The following AMZ2 variants were observed in gnomAD, a reference collection of about 807,000 sequenced individuals.
AMZ2 encodes the protein archaelysin family metallopeptidase 2.
In AMZ2, 26 loss-of-function variants were observed where a neutral mutation model predicts 36.7. The observed-to-expected ratio is 0.71, with a 90% confidence interval of 0.52 to 0.98. The LOEUF is 0.98. AMZ2 is among the 50% of genes least tolerant of loss of function. The pLI is 0.00. For missense variants in AMZ2, 394 were observed against 430.5 expected, an observed-to-expected ratio of 0.92 and a Z score of 0.75; for synonymous variants, 144 against 149.1, an observed-to-expected ratio of 0.97 and a Z score of 0.25.
chr17:68,256,499 C>T (rs1395066281), intron 6 of AMZ2, among the ~76,000 whole-genome samples: 1 of 152,178 alleles, frequency 6.6e-6, no homozygotes, highest in African/African-American at 2.4e-5. Context: ...AATATAATGC[C>T]TTGTGGAATA....
intron 1 of AMZ2, among the ~76,000 whole-genome samples, chr17:68,208,657 C>T (rs530145468): frequency 1.2e-4 from 19 of 152,186 alleles, no homozygotes; most frequent in African/African-American, 4.6e-4. Context: ...TTCTTTCGCT[C>T]TTTGTGGTGA....
At chr17:68,247,733 G>A (rs1568369820), upstream of AMZ2, 1 of 985,376 alleles carries the variant, frequency 1.0e-6, no homozygotes. Flanking sequence ...GTTCCCACAC[G>A]GGAGACCCCA....
At chr17:68,255,527 AC>A (rs1235994633) in intron 5 of AMZ2, among the ~76,000 whole-genome samples, 172 bp from the exon 6 acceptor site, 32 of 152,294 alleles carry the variant, frequency 2.1e-4, no homozygotes, top group African/African-American at 7.2e-4. Context: ...AGGCAGTAAG[AC>A]ATTTGGGGAA....
chr17:68,248,761 G>A, intron 1 of AMZ2, 56 bp downstream of exon 1: 1 of 996,162 alleles, frequency 1.0e-6, no homozygotes, highest in Non-Finnish European at 1.2e-6. Flanking sequence ...GTAGAAGTCA[G>A]ATTTCAGCCC....
intron 1 of AMZ2, among the ~76,000 whole-genome samples, chr17:68,228,528 CCTT>C (rs1179086943): frequency 1.3e-5 from 2 of 152,212 alleles, no homozygotes; most frequent in Non-Finnish European, 2.9e-5. Flanking sequence ...TGCCTCCCCT[CCTT>C]GGGAGGCTGC....
chr17:68,255,682 A>G lies in AMZ2; in HGVS notation c.751-18A>G. On this transcript the variant is annotated intron_variant, in intron 5 of 6. Transcript: ENST00000359904. ...TGTGATGGTGGTCTTATAAAGCCTC[A>G]ACATGATTGTCTTGCAGACTTTAAC... The G allele has an allele frequency of 6.2e-7, 1 of 1,610,100 alleles. No homozygotes were observed. Among genetic ancestry groups the G allele is most frequent in the Non-Finnish European group, 8.5e-7 (1 of 1,176,966 alleles).
At chr17:68,251,277 T>C (rs1179268449) in intron 4 of AMZ2, 99 bp downstream of exon 4, 1 of 1,198,132 alleles carries the variant, frequency 8.3e-7, no homozygotes, top group Non-Finnish European at 1.1e-6. Flanking sequence ...ATCATATTGA[T>C]ATTTAAAATA....
At position 68,250,438 on chromosome 17, in the gene AMZ2, C is replaced by A. The variant is rs782213799; in HGVS notation, c.251C>A (p.Pro84Gln). ...GATCCTTACAGAAAGACACCCTCTC[C>A]AAACAAACGCAGCATTTATATACAG... Reference protein sequence around the residue: ...FSDPYRKTPSPNKRSIYIQSI... With the variant: ...FSDPYRKTPSQNKRSIYIQSI... Residue 84 changes from proline (P) to glutamine (Q), a missense_variant, in exon 2 of 7, where the codon CCA becomes CAA. Transcript: ENST00000359904. The A allele has an allele frequency of 6.2e-7, 1 of 1,614,108 alleles. No homozygotes were observed. The highest frequency in any genetic ancestry group is 1.1e-5 in the South Asian group (1 of 91,074).
intron 1 of AMZ2, among the ~76,000 whole-genome samples, chr17:68,208,778 G>T (rs1406149191): frequency 6.6e-6 from 1 of 151,568 alleles, no homozygotes; most frequent in East Asian, 1.9e-4. Context: ...AACCAACCAG[G>T]AGGAACAAAC....
chr17:68,247,985 A>G (rs551388347), upstream of AMZ2: 270 of 985,522 alleles, frequency 2.7e-4, 2 homozygotes, highest in African/African-American at 3.5e-3. Context: ...GGCGTGCGCG[A>G]CGCAGCGGCG....
At chr17:68,220,307 C>T (rs2073313765) in intron 1 of AMZ2, among the ~76,000 whole-genome samples, 1 of 131,326 alleles carries the variant, frequency 7.6e-6, no homozygotes, top group South Asian at 2.5e-4. Context: ...CTGCATTTGA[C>T]CTGCAAAGAC....
chr17:68,234,060 G>A (rs1359536991), intron 1 of AMZ2, among the ~76,000 whole-genome samples: 10 of 152,076 alleles, frequency 6.6e-5, no homozygotes, highest in African/African-American at 1.4e-4. Flanking sequence ...ATTCGGGCTC[G>A]GTGGCTCACA....
At chr17:68,239,852 C>A (rs1205831208) in intron 1 of AMZ2, among the ~76,000 whole-genome samples, 2 of 152,014 alleles carry the variant, frequency 1.3e-5, no homozygotes, top group African/African-American at 4.8e-5. Flanking sequence ...CCAAAGATTA[C>A]CAGATGTTGA....
At chr17:68,247,336 CAAAAA>C (rs71142158), upstream of AMZ2, 31,428 of 78,774 alleles carry the variant, frequency 0.4, 4,365 homozygotes, top group East Asian at 0.56. Flanking sequence ...ACTCCGTCTC[CAAAAA>C]AAAAAAAAAA....
chr17:68,250,664 A>G, intron 2 of AMZ2, 130 bp from the exon 3 acceptor site: 6 of 1,163,416 alleles, frequency 5.2e-6, no homozygotes, highest in South Asian at 4.7e-5. Flanking sequence ...TAGCAACACC[A>G]ATGAATGATA....
chr17:68,207,646 CAAATATA>C lies in AMZ2; in HGVS notation c.-67+1411_-67+1417del, dbSNP rs2144437261. Among the ~76,000 whole-genome samples the C allele has an allele frequency of 2.0e-5, 3 of 152,308 alleles. No homozygotes were observed. In the South Asian group the frequency reaches 6.2e-4, roughly 32 times the overall value. ...GAAGTAGAGTAGTATTATCTTGAGC[CAAATATA>C]AACCTACGTAGGTTGTCCTAATGAG... On this transcript the variant is annotated intron_variant, in intron 1 of 7. Coordinates refer to the AMZ2 transcript ENST00000674770.
chr17:68,248,035 C>T (rs1555736633), upstream of AMZ2: 41 of 986,442 alleles, frequency 4.2e-5, no homozygotes, highest in Non-Finnish European at 4.8e-5. Context: ...GTGGGCGTGG[C>T]GTGGCGCAGT....
intron 1 of AMZ2, among the ~76,000 whole-genome samples, chr17:68,226,884 TGGAGCAAG>T (rs2073529155): frequency 6.7e-6 from 1 of 149,260 alleles, no homozygotes; most frequent in Non-Finnish European, 1.5e-5. Context: ...CCTTAAGACT[TGGAGCAAG>T]CTGCCACTTC....
chr17:68,248,151 C>T lies in AMZ2; in HGVS notation c.-555C>T. 2.0e-6 allele frequency: 2 copies of T among 986,420 alleles called. No individual in the cohort carries two copies. The highest frequency in any genetic ancestry group is 1.2e-6 in the Non-Finnish European group (1 of 830,656). The allele number at this position is 986,420 out of a possible 1,614,324, so 61.1% of individuals were successfully genotyped here. Reference sequence around the variant, plus strand: ...GGGTGCTGTCAGAGCTGGGCCGGGGCCCCTAGGCAGGGTAGCCGGGTCGTA... The same window carrying T: ...GGGTGCTGTCAGAGCTGGGCCGGGGTCCCTAGGCAGGGTAGCCGGGTCGTA... On this transcript the variant is annotated 5_prime_UTR_variant, in exon 1 of 7. Transcript: ENST00000359904.
Sources: gnomAD v4.1 joint callset for allele counts (sites outside exome capture counted in the v4.1 genomes callset) on GRCh38, gnomAD v4.1.1 for gene constraint, MANE v1.5 for transcripts, NCBI Gene and HGNC (gene_info 2026-07-23, HGNC 2026-07-21) for gene names.